EDIL3: variants seen among roughly 807,000 people sequenced by gnomAD.
The protein encoded by EDIL3 is EGF-like repeat and discoidin I-like domain-containing protein 3.
EDIL3 carries 37 observed loss-of-function variants against 67.4 expected under a neutral mutation model. That is an observed-to-expected ratio of 0.55 (90% CI 0.42 to 0.72). The LOEUF is 0.72. EDIL3 is among the 30% of genes least tolerant of loss of function. The pLI, the probability that EDIL3 is intolerant of heterozygous loss-of-function variation, is 0.00. For missense variants in EDIL3, 527 were observed against 586.3 expected (o/e 0.90, Z 1.04); for synonymous variants, 195 against 196.3 (o/e 0.99, Z 0.05).
chr5:84,206,773 T>C (rs2112384353), intron 3 of EDIL3, among the ~76,000 whole-genome samples: 1 of 152,088 alleles, frequency 6.6e-6, no homozygotes, highest in Non-Finnish European at 1.5e-5. Context: ...ATCCAGCATA[T>C]AAACAGAACC....
At chr5:84,000,808 A>G (rs763833764) in intron 9 of EDIL3, among the ~76,000 whole-genome samples, 9 of 152,006 alleles carry the variant, frequency 5.9e-5, no homozygotes, top group Non-Finnish European at 1.2e-4. Context: ...GAAATTAATA[A>G]TAAGATGTAC....
intron 1 of EDIL3, among the ~76,000 whole-genome samples, chr5:84,314,275 G>T (rs1746465632): frequency 6.6e-6 from 1 of 152,236 alleles, no homozygotes; most frequent in South Asian, 2.1e-4. Flanking sequence ...ACTATGACTT[G>T]GCTCAGATCA....
At chr5:84,091,032 A>G (rs1199161991) in intron 6 of EDIL3, among the ~76,000 whole-genome samples, 6 of 152,092 alleles carry the variant, frequency 3.9e-5, no homozygotes, top group Admixed American at 3.9e-4. Context: ...AAAATCCAAG[A>G]CTGCCCCACA....
At chr5:84,295,369 A>G (rs1367374024) in intron 1 of EDIL3, among the ~76,000 whole-genome samples, 1 of 152,062 alleles carries the variant, frequency 6.6e-6, no homozygotes, top group African/African-American at 2.4e-5. Context: ...AATATTTCAG[A>G]CAATGGTACT....
At chr5:84,264,943 T>C (rs1561239491) in intron 1 of EDIL3, among the ~76,000 whole-genome samples, 1 of 152,146 alleles carries the variant, frequency 6.6e-6, no homozygotes, top group Non-Finnish European at 1.5e-5. Flanking sequence ...GAATTCTTAC[T>C]TTTTCTAAGC....
chr5:84,271,647 T>C (rs923012260), intron 1 of EDIL3, among the ~76,000 whole-genome samples: 3 of 152,128 alleles, frequency 2.0e-5, no homozygotes, highest in African/African-American at 7.2e-5. Context: ...TTATGTTCAC[T>C]TAAAACCCCT....
chr5:84,039,900 A>G (rs1010083496), intron 9 of EDIL3, among the ~76,000 whole-genome samples: 13 of 152,296 alleles, frequency 8.5e-5, no homozygotes, highest in African/African-American at 3.1e-4. Context: ...TTTATCTGGT[A>G]GTCTTAAAGC....
chr5:84,166,489 T>G (rs1331603322), intron 4 of EDIL3, among the ~76,000 whole-genome samples: 1 of 152,168 alleles, frequency 6.6e-6, no homozygotes, highest in African/African-American at 2.4e-5. Context: ...TTCATTTGTT[T>G]ACTTAACAAA....
intron 9 of EDIL3, among the ~76,000 whole-genome samples, chr5:84,017,977 T>C (rs953321895): frequency 3.3e-5 from 5 of 152,178 alleles, no homozygotes; most frequent in Non-Finnish European, 7.4e-5. Flanking sequence ...CAATGAAAGC[T>C]TGTTTTACTC....
intron 3 of EDIL3, 32 bp downstream of exon 3, chr5:84,229,823 T>G: frequency 1.9e-6 from 3 of 1,588,316 alleles, no homozygotes; most frequent in Non-Finnish European, 2.6e-6. Context: ...TGACATTAAA[T>G]AAGAATTATG....
chr5:84,187,611 C>G (rs1743492410), intron 3 of EDIL3, among the ~76,000 whole-genome samples: 1 of 151,806 alleles, frequency 6.6e-6, no homozygotes, highest in East Asian at 1.9e-4. Context: ...ATAGGAATAG[C>G]TATGACCCCA....
chr5:84,104,558 T>C (rs184711531), intron 6 of EDIL3, among the ~76,000 whole-genome samples: 2 of 152,192 alleles, frequency 1.3e-5, no homozygotes, highest in Admixed American at 6.6e-5. Flanking sequence ...CTCACTCTAA[T>C]ATAAAACCTT....
At chr5:83,950,070 G>A (rs1744391213) in intron 10 of EDIL3, among the ~76,000 whole-genome samples, 1 of 151,730 alleles carries the variant, frequency 6.6e-6, no homozygotes, top group African/African-American at 2.4e-5. Context: ...CAATACTCTG[G>A]GCTTACTGTC....
chr5:84,005,484 A>G (rs1180872027), intron 9 of EDIL3, among the ~76,000 whole-genome samples: 2 of 152,188 alleles, frequency 1.3e-5, no homozygotes, highest in African/African-American at 2.4e-5. Flanking sequence ...TTCACAATCA[A>G]GTAGGTCTTA....
chr5:84,062,813 CCT>C lies in EDIL3; in HGVS notation c.952+1885_952+1886del, dbSNP rs373248792. On this transcript the variant is annotated intron_variant, in intron 8 of 10. Transcript: ENST00000296591. ...GTTTATTTCCAGGTGTTACAGCTAACCTCTCTGCCAATGTGCCTCATGCCACA... is the reference window on the plus strand; with the variant it reads ...GTTTATTTCCAGGTGTTACAGCTAACCTCTGCCAATGTGCCTCATGCCACA... 1.1e-3 allele frequency among the ~76,000 whole-genome samples: 160 copies of C among 152,178 alleles called. 1 individual carries two copies. Among genetic ancestry groups the C allele is most frequent in the African/African-American group, 3.7e-3 (153 of 41,558 alleles).
chr5:84,041,061 G>T (rs767257485), intron 9 of EDIL3, among the ~76,000 whole-genome samples: 3 of 151,988 alleles, frequency 2.0e-5, no homozygotes, highest in African/African-American at 4.8e-5. Context: ...AGTCCGGGAA[G>T]TGGGGTTTGC....
At chr5:84,145,710 C>T (rs772519577) in intron 4 of EDIL3, among the ~76,000 whole-genome samples, 2 of 152,018 alleles carry the variant, frequency 1.3e-5, no homozygotes, top group African/African-American at 2.4e-5. Flanking sequence ...TGTATATAGA[C>T]TTCCTAATAT....
intron 9 of EDIL3, among the ~76,000 whole-genome samples, chr5:84,000,933 A>C (rs1213144018): frequency 1.3e-5 from 2 of 151,984 alleles, no homozygotes; most frequent in Non-Finnish European, 2.9e-5. Flanking sequence ...TTTTTGAAAC[A>C]AAAGAAAATG....
chr5:84,353,964 C>T (rs552855768), intron 1 of EDIL3, among the ~76,000 whole-genome samples: 2 of 152,278 alleles, frequency 1.3e-5, no homozygotes, highest in East Asian at 3.9e-4. Flanking sequence ...CTTTATTAGT[C>T]CTCTCTTCAC....
Sources: allele counts gnomAD v4.1 joint callset (sites outside exome capture counted in the v4.1 genomes callset), GRCh38; gene constraint gnomAD v4.1.1; transcripts MANE v1.5; gene names NCBI Gene and HGNC (gene_info 2026-07-23, HGNC 2026-07-21).